SLC25A21: variants seen among roughly 807,000 people sequenced by gnomAD.
The protein encoded by SLC25A21 is solute carrier family 25 member 21.
Under a neutral mutation model 43.8 loss-of-function variants are expected in SLC25A21, and 47 were observed. The observed-to-expected ratio is 1.07, with a 90% CI of 0.85 to 1.37. The LOEUF (loss-of-function observed/expected upper bound fraction) is 1.37. Among genes scored for constraint, SLC25A21 ranks in the 40% most tolerant of loss-of-function variants. SLC25A21 has a pLI of 0.00. For synonymous variants in SLC25A21, 131 were observed against 121.3 expected (o/e 1.08, Z -0.52); for missense variants, 352 against 350.2 (o/e 1.00, Z -0.04).
intron 1 of SLC25A21, among the ~76,000 whole-genome samples, chr14:37,081,188 G>A (rs575574835): frequency 4.8e-4 from 73 of 152,286 alleles, no homozygotes; most frequent in Non-Finnish European, 9.4e-4. Context: ...GAGAAAAGCC[G>A]TAGGTTAATA....
chr14:36,741,485 A>G (rs1413506488), intron 3 of SLC25A21, among the ~76,000 whole-genome samples: 3 of 152,192 alleles, frequency 2.0e-5, no homozygotes, highest in Admixed American at 1.3e-4. Context: ...CAATGTGTAA[A>G]TTTGCTGCTC....
At chr14:37,019,432 A>G (rs1435381065) in intron 1 of SLC25A21, among the ~76,000 whole-genome samples, 1 of 151,840 alleles carries the variant, frequency 6.6e-6, no homozygotes, top group Non-Finnish European at 1.5e-5. Context: ...TTAATATCAC[A>G]TATCACAAGT....
intron 2 of SLC25A21, among the ~76,000 whole-genome samples, chr14:36,863,461 CAT>C (rs1308461898): frequency 6.6e-6 from 1 of 152,048 alleles, no homozygotes; most frequent in Non-Finnish European, 1.5e-5. Context: ...CAATGTGAGT[CAT>C]AAAAATAGCT....
intron 3 of SLC25A21, among the ~76,000 whole-genome samples, chr14:36,763,135 C>T (rs1416354653): frequency 1.3e-5 from 2 of 152,090 alleles, no homozygotes; most frequent in Non-Finnish European, 1.5e-5. Flanking sequence ...GCAAAACATG[C>T]TAACTAAATT....
At chr14:37,145,949 G>A (rs1963656972) in intron 1 of SLC25A21, among the ~76,000 whole-genome samples, 2 of 152,080 alleles carry the variant, frequency 1.3e-5, no homozygotes, top group East Asian at 1.9e-4. Context: ...AAATGGAACA[G>A]TACATCGTCT....
chr14:36,922,352 G>GA (rs1161794764), intron 1 of SLC25A21, among the ~76,000 whole-genome samples: 1 of 151,896 alleles, frequency 6.6e-6, no homozygotes, highest in Non-Finnish European at 1.5e-5. Context: ...ATTCCAATTA[G>GA]AAATTGGAAG....
intron 2 of SLC25A21, among the ~76,000 whole-genome samples, chr14:36,840,873 T>G (rs1889363964): frequency 6.6e-6 from 1 of 152,178 alleles, no homozygotes; most frequent in African/African-American, 2.4e-5. Flanking sequence ...GCTGCTATAT[T>G]TGTTTTTCAG....
chr14:36,996,035 T>C (rs1382800584), intron 1 of SLC25A21, among the ~76,000 whole-genome samples: 1 of 152,154 alleles, frequency 6.6e-6, no homozygotes, highest in African/African-American at 2.4e-5. Flanking sequence ...TGGCAGAACC[T>C]GCTTTCCAAC....
At chr14:36,763,861 TC>T (rs1566587107) in intron 3 of SLC25A21, among the ~76,000 whole-genome samples, 1 of 150,986 alleles carries the variant, frequency 6.6e-6, no homozygotes, top group Non-Finnish European at 1.5e-5. Flanking sequence ...AAAACCTGTC[TC>T]TACTAAAAAT....
chr14:37,065,647 G>A (rs185824646), intron 1 of SLC25A21, among the ~76,000 whole-genome samples: 321 of 152,284 alleles, frequency 2.1e-3, no homozygotes, highest in Non-Finnish European at 3.7e-3. Flanking sequence ...AGATTAAGGA[G>A]GAATGTCCCT....
chr14:37,029,762 T>A (rs1368426767), intron 1 of SLC25A21, among the ~76,000 whole-genome samples: 1 of 98,322 alleles, frequency 1.0e-5, no homozygotes, highest in Non-Finnish European at 1.9e-5. Context: ...AGCCGACTTT[T>A]TTTTTTTTTT....
At chr14:36,829,691 G>A (rs1888964569) in intron 2 of SLC25A21, among the ~76,000 whole-genome samples, 1 of 135,350 alleles carries the variant, frequency 7.4e-6, no homozygotes, top group African/African-American at 2.8e-5. Context: ...GTTATCCTTG[G>A]GTCAGCTGTC....
intron 9 of SLC25A21, 86 bp downstream of exon 9, chr14:36,683,742 T>C (rs952185194): frequency 1.0e-6 from 1 of 958,814 alleles, no homozygotes; most frequent in Non-Finnish European, 1.6e-6. Context: ...GTGGTAAATA[T>C]TTTGTTGCTG....
In SLC25A21 at chr14:36,772,912, T is replaced by G. The variant is rs577536774; in HGVS notation, c.204-38339A>C. 3.9e-5 allele frequency among the ~76,000 whole-genome samples: 6 copies of G among 152,298 alleles called. No individual in the cohort carries two copies. The East Asian group carries it at 1.2e-3, about 29-fold the overall frequency. Reference sequence around the variant, plus strand: ...ACAGTAAAATAAAAGCATAATATGTTTTTAAAAATGAACATACCGATTGCC... The same window carrying G: ...ACAGTAAAATAAAAGCATAATATGTGTTTAAAAATGAACATACCGATTGCC... On this transcript the variant is annotated intron_variant, in intron 3 of 9. Coordinates refer to ENST00000331299, the MANE Select transcript of SLC25A21 (RefSeq NM_030631.4).
rs189651978 is a variant in SLC25A21 at position 37,060,448 on chromosome 14, G to A, written c.70+111833C>T. On this transcript the variant is annotated intron_variant, in intron 1 of 9. Coordinates refer to ENST00000331299, the MANE Select transcript of SLC25A21 (RefSeq NM_030631.4). ...AATGATGTAACCCAAGAGAAGTAGGGCATGGTGGAAACTGTAAAGAATTAA... is the reference window on the plus strand; with the variant it reads ...AATGATGTAACCCAAGAGAAGTAGGACATGGTGGAAACTGTAAAGAATTAA... Among the ~76,000 whole-genome samples, 104 of 149,402 alleles carry A rather than the reference G, an allele frequency of 7.0e-4. 1 individual carries two copies. Among genetic ancestry groups the A allele is most frequent in the African/African-American group, 2.3e-3 (95 of 40,898 alleles).
At chr14:36,690,346 T>C (rs144893575) in intron 7 of SLC25A21, among the ~76,000 whole-genome samples, 81 of 152,282 alleles carry the variant, frequency 5.3e-4, no homozygotes, top group African/African-American at 1.9e-3. Context: ...ATATATGATA[T>C]AACAAACCCT....
At chr14:36,902,486 G>T (rs1029837996) in intron 1 of SLC25A21, among the ~76,000 whole-genome samples, 2 of 152,092 alleles carry the variant, frequency 1.3e-5, no homozygotes, top group African/African-American at 4.8e-5. Flanking sequence ...ATCTGGGTTT[G>T]AGTTTTGTAT....
intron 1 of SLC25A21, among the ~76,000 whole-genome samples, chr14:36,991,923 C>T (rs1245072580): frequency 6.6e-6 from 1 of 152,164 alleles, no homozygotes; most frequent in East Asian, 1.9e-4. Flanking sequence ...TAAATGGCAC[C>T]TCTGTTTGTC....
At chr14:37,082,920 T>G (rs1962416318) in intron 1 of SLC25A21, among the ~76,000 whole-genome samples, 1 of 152,204 alleles carries the variant, frequency 6.6e-6, no homozygotes, top group Non-Finnish European at 1.5e-5. Context: ...GTAAACCTAA[T>G]TTTTGCAGTA....
Sources: allele counts gnomAD v4.1 joint callset (sites outside exome capture counted in the v4.1 genomes callset), GRCh38; gene constraint gnomAD v4.1.1; transcripts MANE v1.5; gene names NCBI Gene and HGNC (gene_info 2026-07-23, HGNC 2026-07-21).